MAPK14: variants seen among roughly 807,000 people sequenced by gnomAD.
MAPK14 encodes CSAID-binding protein.
A neutral mutation model predicts 49.6 loss-of-function variants in MAPK14; 16 were observed. The ratio of observed to expected loss-of-function variants is 0.32; its 90% CI spans 0.22 to 0.49. The LOEUF is 0.49. Among genes scored for constraint, MAPK14 ranks in the 20% least tolerant of loss-of-function variants. MAPK14 has a pLI of 0.99. For missense variants in MAPK14, 200 were observed against 441.2 expected (o/e 0.45, Z 4.90); for synonymous variants, 142 against 158.0 (o/e 0.90, Z 0.76).
chr6:36,045,808 CAAAA>C (rs371920281), intron 1 of MAPK14, among the ~76,000 whole-genome samples: 1,698 of 46,272 alleles, frequency 0.037, 19 homozygotes, highest in South Asian at 0.11. Flanking sequence ...GACTCTGTCT[CAAAA>C]AAAAAAAAAA....
At chr6:36,072,043 G>A (rs985355127) in intron 3 of MAPK14, among the ~76,000 whole-genome samples, 9 of 152,116 alleles carry the variant, frequency 5.9e-5, no homozygotes, top group Non-Finnish European at 1.3e-4. Context: ...GAATAAGTAT[G>A]TAAATGTTTA....
intron 11 of MAPK14, among the ~76,000 whole-genome samples, chr6:36,108,008 T>G (rs550615420): frequency 1.2e-4 from 18 of 152,216 alleles, no homozygotes; most frequent in Non-Finnish European, 2.6e-4. Flanking sequence ...GGAACCCATG[T>G]ATCCTGTGTC....
chr6:36,071,890 A>C (rs745707587), intron 3 of MAPK14, among the ~76,000 whole-genome samples: 1 of 152,054 alleles, frequency 6.6e-6, no homozygotes, highest in Non-Finnish European at 1.5e-5. Context: ...TTTTTTGTAG[A>C]GATGGGGTTT....
chr6:36,090,097 T>A (rs1199954096), intron 8 of MAPK14, among the ~76,000 whole-genome samples: 1 of 152,238 alleles, frequency 6.6e-6, no homozygotes, highest in Non-Finnish European at 1.5e-5. Context: ...TGCCCTGGTC[T>A]ATGGGAGTTT....
chr6:36,081,061 A>G (rs999695217), intron 8 of MAPK14, among the ~76,000 whole-genome samples: 3 of 152,064 alleles, frequency 2.0e-5, no homozygotes, highest in African/African-American at 4.8e-5. Flanking sequence ...TTCTTTATAT[A>G]TCTTAGACCC....
At chr6:36,067,068 G>A (rs984975977) in intron 3 of MAPK14, among the ~76,000 whole-genome samples, 1 of 152,082 alleles carries the variant, frequency 6.6e-6, no homozygotes, top group Non-Finnish European at 1.5e-5. Flanking sequence ...CTGCTGAAAT[G>A]GAGATGGTGG....
In MAPK14 at chr6:36,108,364, C is replaced by T; in HGVS notation, c.1016-16C>T. On this transcript the variant is annotated splice_polypyrimidine_tract_variant and intron_variant, in intron 11 of 11. Transcript: ENST00000229794. The stretch of plus-strand genomic sequence containing the variant: ...GCCTAAACTCTCACATCTTACTTTT[C>T]CTTCCCAATTTCTAGGCCTGACCTA... The T allele has an allele frequency of 6.2e-7, 1 of 1,607,406 alleles. No homozygotes were observed. The highest frequency in any genetic ancestry group is 8.5e-7 in the Non-Finnish European group (1 of 1,173,866).
chr6:36,100,152 TG>T, intron 9 of MAPK14: 1 of 1,422,336 alleles, frequency 7.0e-7, no homozygotes, highest in Non-Finnish European at 9.9e-7. Context: ...TTTTTTGCAC[TG>T]TATGTTTAAC....
intron 3 of MAPK14, among the ~76,000 whole-genome samples, chr6:36,067,680 C>T (rs966560372): frequency 3.3e-5 from 5 of 152,094 alleles, no homozygotes; most frequent in Non-Finnish European, 7.4e-5. Context: ...GTGAAATAAG[C>T]CTACTAAGCT....
At chr6:36,070,852 A>C (rs1401390084) in intron 3 of MAPK14, among the ~76,000 whole-genome samples, 2 of 152,132 alleles carry the variant, frequency 1.3e-5, no homozygotes, top group Non-Finnish European at 2.9e-5. Context: ...ACACACGTTT[A>C]TTCTTATAAT....
intron 9 of MAPK14, chr6:36,098,116 GAAAA>G (rs902128320): frequency 6.6e-6 from 1 of 151,978 alleles, no homozygotes. Context: ...ATTAAAAAAA[GAAAA>G]AAGACATTAG....
At chr6:36,092,649 T>C in intron 8 of MAPK14, 1 of 380,234 alleles carries the variant, frequency 2.6e-6, no homozygotes, top group Non-Finnish European at 5.1e-6. Context: ...TGGCTCTCCC[T>C]TTTCAAACTA....
chr6:36,077,468 C>T (rs1764576965), intron 8 of MAPK14, among the ~76,000 whole-genome samples: 1 of 151,324 alleles, frequency 6.6e-6, no homozygotes, highest in African/African-American at 2.4e-5. Flanking sequence ...ATCTATTATG[C>T]CTAGAGATCT....
At chr6:36,086,437 T>C (rs1221441823) in intron 8 of MAPK14, among the ~76,000 whole-genome samples, 1 of 151,446 alleles carries the variant, frequency 6.6e-6, no homozygotes, top group Non-Finnish European at 1.5e-5. Context: ...GAAAGAAGAA[T>C]CAAATAGACA....
In MAPK14 at chr6:36,100,215, G is replaced by A. The variant is rs147479984; in HGVS notation, c.763-2356G>A. ...ATTAACCAGCTTCAGCAGATTATGC[G>A]TCTGACAGGAACACCCCCCGCTTAT... On this transcript the variant is annotated intron_variant, in intron 9 of 11. Transcript: ENST00000229794. The A allele has an allele frequency of 4.4e-5, 71 of 1,613,566 alleles. No individual in the cohort carries two copies. Among genetic ancestry groups the A allele is most frequent in the South Asian group, 8.8e-5 (8 of 91,084 alleles).
At chr6:36,077,949 A>G (rs1287890744) in intron 8 of MAPK14, among the ~76,000 whole-genome samples, 1 of 152,142 alleles carries the variant, frequency 6.6e-6, no homozygotes, top group East Asian at 1.9e-4. Flanking sequence ...CCTCTAGAGT[A>G]GCTGCTGTCC....
chr6:36,062,860 T>G (rs1261350720), intron 3 of MAPK14, among the ~76,000 whole-genome samples: 1 of 151,946 alleles, frequency 6.6e-6, no homozygotes. Flanking sequence ...ATTTCACTGT[T>G]TTGGCCAGAC....
intron 8 of MAPK14, chr6:36,092,257 T>G (rs1232283256): frequency 1.7e-6 from 1 of 573,856 alleles, no homozygotes; most frequent in Admixed American, 1.9e-5. Context: ...TGGGTCCATA[T>G]AGACCACTGG....
At chr6:36,079,680 T>C (rs549989113) in intron 8 of MAPK14, among the ~76,000 whole-genome samples, 54 of 152,278 alleles carry the variant, frequency 3.5e-4, no homozygotes, top group African/African-American at 1.2e-3. Flanking sequence ...ATTGATCATT[T>C]TGCATTTGGA....
Sources: allele counts gnomAD v4.1 joint callset (sites outside exome capture counted in the v4.1 genomes callset), GRCh38; gene constraint gnomAD v4.1.1; transcripts MANE v1.5; gene names NCBI Gene and HGNC (gene_info 2026-07-23, HGNC 2026-07-21).